ADCYAP1R1: variants seen among roughly 807,000 people sequenced by gnomAD.
The protein encoded by ADCYAP1R1 is pituitary adenylate cyclase-activating polypeptide type I receptor.
ADCYAP1R1 carries 44 observed loss-of-function variants against 67.6 expected under a neutral mutation model. The observed-to-expected ratio is 0.65, with a 90% confidence interval of 0.51 to 0.84. ADCYAP1R1 has a LOEUF of 0.84. ADCYAP1R1 is among the 40% of genes least tolerant of loss of function. The pLI is 0.00. For missense variants in ADCYAP1R1, 477 were observed against 587.9 expected (o/e 0.81, Z 1.95); for synonymous variants, 222 against 219.6 (o/e 1.01, Z -0.10).
At position 31,102,224 on chromosome 7, in the gene ADCYAP1R1, G is replaced by A. The variant is rs1464918773; in HGVS notation, c.1047-1013G>A. 1.3e-5 allele frequency among the ~76,000 whole-genome samples: 2 copies of A among 152,362 alleles called. No homozygotes were observed. The highest frequency in any genetic ancestry group is 2.1e-4 in the South Asian group (1 of 4,830). On this transcript the variant is annotated intron_variant, in intron 13 of 15. Coordinates refer to ENST00000304166, the MANE Select transcript of ADCYAP1R1 (RefSeq NM_001118.5). The surrounding 1 kb of genome is among the most constrained non-coding windows in gnomAD (Gnocchi z 4.3). ...TGTCCACCCCGGGGGACTTAGCTGT[G>A]CTGGGAGATGGGGAGGCTGATCCTC...
At chr7:31,096,457 C>A (rs981827039) in intron 13 of ADCYAP1R1, among the ~76,000 whole-genome samples, 1 of 152,210 alleles carries the variant, frequency 6.6e-6, no homozygotes, top group Non-Finnish European at 1.5e-5. Context: ...AGCACCTGAT[C>A]CTCAAAGTTC....
chr7:31,075,265 G>A (rs192789553), intron 3 of ADCYAP1R1, among the ~76,000 whole-genome samples: 90 of 152,292 alleles, frequency 5.9e-4, no homozygotes, highest in African/African-American at 1.9e-3. Context: ...AACAGGCATT[G>A]AATGAGCCTG....
At chr7:31,099,527 C>T (rs905682535) in intron 13 of ADCYAP1R1, among the ~76,000 whole-genome samples, 1 of 152,160 alleles carries the variant, frequency 6.6e-6, no homozygotes, top group Non-Finnish European at 1.5e-5. Context: ...TCTGACTTAC[C>T]TCTGTCCCCT....
intron 14 of ADCYAP1R1, 137 bp downstream of exon 14, chr7:31,103,503 G>A: frequency 8.1e-7 from 1 of 1,239,836 alleles, no homozygotes; most frequent in Non-Finnish European, 1.1e-6. Context: ...AGCCCTGTCT[G>A]CTGTCTACCC....
Position 31,085,563 on chromosome 7 carries a change from G to A in ADCYAP1R1, c.669+121G>A, listed in dbSNP as rs1795710378. 11 of 1,172,316 alleles carry A rather than the reference G, an allele frequency of 9.4e-6. No homozygotes were observed. The South Asian group carries it at 1.5e-4, about 16-fold the overall frequency. 72.6% of individuals were successfully genotyped at this position (1,172,316 alleles called of 1,614,324 possible). ...GCAGATCAAGTGTGTCCCTGCAGGT[G>A]AAGGCATTGCCCCACCCCCCCGGTT... On this transcript the variant is annotated intron_variant, in intron 9 of 15. Coordinates refer to ENST00000304166, the MANE Select transcript of ADCYAP1R1 (RefSeq NM_001118.5).
intron 3 of ADCYAP1R1, among the ~76,000 whole-genome samples, chr7:31,065,726 AG>A (rs1257397487): frequency 1.3e-5 from 2 of 152,052 alleles, no homozygotes; most frequent in Non-Finnish European, 2.9e-5. Flanking sequence ...GATTTAGGGG[AG>A]GGGGCATCAC....
chr7:31,099,941 C>T (rs968810296), intron 13 of ADCYAP1R1, among the ~76,000 whole-genome samples: 12 of 152,216 alleles, frequency 7.9e-5, no homozygotes, highest in African/African-American at 2.2e-4. Context: ...CTCATGTCCA[C>T]GTATAGGCGT....
At chr7:31,075,544 G>T (rs1307930472) in intron 3 of ADCYAP1R1, among the ~76,000 whole-genome samples, 4 of 152,080 alleles carry the variant, frequency 2.6e-5, no homozygotes, top group Non-Finnish European at 5.9e-5. Context: ...CATAAATATG[G>T]GTTCTCCAGG....
intron 3 of ADCYAP1R1, among the ~76,000 whole-genome samples, chr7:31,065,547 A>T (rs138255490): frequency 6.6e-6 from 1 of 152,284 alleles, no homozygotes; most frequent in East Asian, 1.9e-4. Context: ...TCCCAATGAC[A>T]ATCACAAAAT....
chr7:31,065,327 C>T (rs1285407892), intron 3 of ADCYAP1R1, among the ~76,000 whole-genome samples: 3 of 152,178 alleles, frequency 2.0e-5, no homozygotes, highest in East Asian at 1.9e-4. Context: ...GGGCAGGAAA[C>T]GTGGGGTCCT....
intron 9 of ADCYAP1R1, among the ~76,000 whole-genome samples, 176 bp downstream of exon 9, chr7:31,085,618 G>A (rs1297808919): frequency 2.0e-5 from 3 of 152,152 alleles, no homozygotes; most frequent in Admixed American, 6.5e-5. Flanking sequence ...TAAGTTACTA[G>A]TAGCTGATGA....
intron 13 of ADCYAP1R1, chr7:31,100,335 G>A: frequency 1.3e-6 from 1 of 786,656 alleles, no homozygotes; most frequent in Non-Finnish European, 2.0e-6. Context: ...CCCATTCCCG[G>A]CTGTTGCATG....
At chr7:31,073,258 C>T (rs1795065722) in intron 3 of ADCYAP1R1, among the ~76,000 whole-genome samples, 1 of 152,174 alleles carries the variant, frequency 6.6e-6, no homozygotes, top group African/African-American at 2.4e-5. Flanking sequence ...AAGGCAGAGA[C>T]TGGGCCCTTT....
At chr7:31,093,232 T>A (rs955784717) in intron 13 of ADCYAP1R1, among the ~76,000 whole-genome samples, 59 of 152,130 alleles carry the variant, frequency 3.9e-4, no homozygotes, top group African/African-American at 1.4e-3. Context: ...GTACTTTCTT[T>A]CCTCCACAGG....
chr7:31,054,527 A>G lies in ADCYAP1R1; in HGVS notation c.-72+1849A>G, dbSNP rs138388273. Among the ~76,000 whole-genome samples, 857 of 152,358 alleles carry G rather than the reference A, an allele frequency of 5.6e-3. 9 individuals carry two copies. Among genetic ancestry groups the G allele is most frequent in the African/African-American group, 0.02 (832 of 41,586 alleles). On this transcript the variant is annotated intron_variant, in intron 1 of 15. Coordinates refer to ENST00000304166, the MANE Select transcript of ADCYAP1R1 (RefSeq NM_001118.5). ...CACTCCCTCAATTTGTGTCGAATAA[A>G]TAAATACACACATGGGAGTTTATAG... is the stretch of plus-strand genomic sequence containing the variant.
intron 1 of ADCYAP1R1, among the ~76,000 whole-genome samples, chr7:31,056,045 T>C (rs557366896): frequency 6.6e-6 from 1 of 152,328 alleles, no homozygotes; most frequent in Admixed American, 6.5e-5. Context: ...TGTGTCCAAG[T>C]CTGTGCCCAT....
chr7:31,100,088 C>T (rs536185029), intron 13 of ADCYAP1R1: 9 of 1,533,114 alleles, frequency 5.9e-6, no homozygotes, highest in African/African-American at 2.7e-5. Context: ...CTGCCTGGTG[C>T]CCCCCAGCTG....
chr7:31,077,978 G>A lies in ADCYAP1R1; in HGVS notation c.158-13G>A, dbSNP rs2128625707. 6.3e-7 allele frequency: 1 copy of A among 1,594,102 alleles called. No homozygotes were observed. Among genetic ancestry groups the A allele is most frequent in the East Asian group, 2.2e-5 (1 of 44,788 alleles). The stretch of plus-strand genomic sequence containing the variant: ...GTGGCTGGCCCCTCTCACCATGGCT[G>A]TCTTACCCACAGGCTGTCCTGGGAT... On this transcript the variant is annotated splice_polypyrimidine_tract_variant and intron_variant, in intron 3 of 15. Coordinates refer to ENST00000304166, the MANE Select transcript of ADCYAP1R1 (RefSeq NM_001118.5).
At chr7:31,089,578 C>T (rs527368135) in intron 12 of ADCYAP1R1, among the ~76,000 whole-genome samples, 1 of 152,220 alleles carries the variant, frequency 6.6e-6, no homozygotes, top group East Asian at 1.9e-4. Flanking sequence ...TATATTTGTG[C>T]ATATCTTGAG....
Sources: gnomAD v4.1 joint callset for allele counts (sites outside exome capture counted in the v4.1 genomes callset) on GRCh38, gnomAD v4.1.1 for gene constraint, Gnocchi (gnomAD v3.1) non-coding constraint, MANE v1.5 for transcripts, NCBI Gene and HGNC (gene_info 2026-07-23, HGNC 2026-07-21) for gene names.